Variants in OPCML observed in about 807,000 individuals in gnomAD.
The protein encoded by OPCML is opioid-binding protein/cell adhesion molecule.
A neutral mutation model predicts 37.8 loss-of-function variants in OPCML; 13 were observed. The observed-to-expected ratio is 0.34, with a 90% CI of 0.22 to 0.55. The LOEUF is 0.55. Ranked by LOEUF, OPCML falls within the 20% of genes least tolerant of loss-of-function variation. The probability of loss-of-function intolerance (pLI) is 0.91; values close to 1 mark genes in which losing one functional copy is unlikely to be tolerated. For synonymous variants in OPCML, 176 were observed against 168.8 expected (o/e 1.04, Z -0.33); for missense variants, 341 against 435.6 (o/e 0.78, Z 1.93).
chr11:132,885,840 C>T (rs1023115420), intron 2 of OPCML, among the ~76,000 whole-genome samples: 4 of 152,086 alleles, frequency 2.6e-5, no homozygotes, highest in Admixed American at 2.0e-4. Context: ...TAACATTTCC[C>T]CTCCCTGAGT....
At position 133,401,042 on chromosome 11, in the gene OPCML, C is replaced by T. The variant is rs144426405; in HGVS notation, c.61+131222G>A. ...GTTTAGTTTTCTCCAAGTAATAATC[C>T]GAGTCTACATAGCAGCAATTTCCCC... On this transcript the variant is annotated intron_variant, in intron 1 of 7. Coordinates refer to ENST00000524381, the MANE Select transcript of OPCML (RefSeq NM_001012393.5). 5.1e-4 allele frequency among the ~76,000 whole-genome samples: 77 copies of T among 152,218 alleles called. No individual in the cohort carries two copies. The East Asian group carries it at 0.011, about 22-fold the overall frequency.
chr11:133,292,438 C>T (rs762956668), intron 1 of OPCML, among the ~76,000 whole-genome samples: 52 of 152,050 alleles, frequency 3.4e-4, no homozygotes, highest in African/African-American at 1.0e-3. Flanking sequence ...AGCTATGCGG[C>T]GATCCCTTCA....
chr11:132,797,156 T>C (rs1032325771), intron 2 of OPCML, among the ~76,000 whole-genome samples: 13 of 152,248 alleles, frequency 8.5e-5, no homozygotes, highest in African/African-American at 3.1e-4. Flanking sequence ...GTGTTTTCAA[T>C]GTCATATATA....
chr11:133,200,189 C>A (rs1284994139), intron 1 of OPCML, among the ~76,000 whole-genome samples: 1 of 152,170 alleles, frequency 6.6e-6, no homozygotes, highest in Non-Finnish European at 1.5e-5. Flanking sequence ...TGAGATGTCG[C>A]CCCTGACTGC....
chr11:133,254,551 T>A (rs1284657179), intron 1 of OPCML, among the ~76,000 whole-genome samples: 1 of 152,200 alleles, frequency 6.6e-6, no homozygotes, highest in Non-Finnish European at 1.5e-5. Flanking sequence ...GATTCCATTA[T>A]GATGACTCAG....
At chr11:132,449,321 T>C (rs1346191437) in intron 4 of OPCML, among the ~76,000 whole-genome samples, 1 of 152,200 alleles carries the variant, frequency 6.6e-6, no homozygotes, top group African/African-American at 2.4e-5. Flanking sequence ...TCTATTCATG[T>C]AGATCTTGAC....
intron 4 of OPCML, among the ~76,000 whole-genome samples, chr11:132,490,038 G>A (rs2096211064): frequency 6.6e-6 from 1 of 152,080 alleles, no homozygotes; most frequent in Non-Finnish European, 1.5e-5. Flanking sequence ...TTTTACAGCT[G>A]CATAGTATTC....
At chr11:133,095,023 T>C (rs1306809876) in intron 1 of OPCML, among the ~76,000 whole-genome samples, 1 of 151,994 alleles carries the variant, frequency 6.6e-6, no homozygotes, top group Non-Finnish European at 1.5e-5. Context: ...CATCATATAG[T>C]GCATTATATT....
At chr11:133,365,160 CA>C (rs1217829173) in intron 1 of OPCML, 1 of 152,170 alleles carries the variant, frequency 6.6e-6, no homozygotes, top group Non-Finnish European at 1.5e-5. Context: ...AGCAGAGTTA[CA>C]CAGGCCTGCA....
chr11:133,227,257 C>A (rs1940080303), intron 1 of OPCML, among the ~76,000 whole-genome samples: 1 of 152,122 alleles, frequency 6.6e-6, no homozygotes, highest in East Asian at 1.9e-4. Flanking sequence ...TCCTCACGGG[C>A]TTCTTTGGAG....
intron 3 of OPCML, among the ~76,000 whole-genome samples, chr11:132,643,131 G>T (rs867065779): frequency 2.6e-5 from 4 of 151,440 alleles, no homozygotes; most frequent in Non-Finnish European, 5.9e-5. Context: ...ATACAAAACA[G>T]CCAGGCATGG....
intron 3 of OPCML, among the ~76,000 whole-genome samples, chr11:132,542,844 C>A (rs1403173977): frequency 6.6e-6 from 1 of 152,192 alleles, no homozygotes; most frequent in Non-Finnish European, 1.5e-5. Context: ...ACACCCACGC[C>A]TCTTCCCTTC....
At chr11:132,605,407 A>T (rs1938218418) in intron 3 of OPCML, among the ~76,000 whole-genome samples, 3 of 151,850 alleles carry the variant, frequency 2.0e-5, no homozygotes, top group African/African-American at 7.3e-5. Context: ...AATAAAAAAA[A>T]AAAAAAGTTA....
chr11:133,522,012 G>A (rs1443429411), intron 1 of OPCML, among the ~76,000 whole-genome samples: 1 of 152,168 alleles, frequency 6.6e-6, no homozygotes, highest in Admixed American at 6.5e-5. Flanking sequence ...TGGACCTATT[G>A]TTTTGATTGC....
At chr11:132,779,944 T>C (rs952893603) in intron 2 of OPCML, among the ~76,000 whole-genome samples, 16 of 152,246 alleles carry the variant, frequency 1.1e-4, no homozygotes, top group African/African-American at 3.6e-4. Context: ...CTTCTTTACT[T>C]ATTTTTTTGT....
chr11:133,170,856 C>A (rs987913399), intron 1 of OPCML, among the ~76,000 whole-genome samples: 1 of 152,122 alleles, frequency 6.6e-6, no homozygotes, highest in South Asian at 2.1e-4. Flanking sequence ...ACTTGTCCCC[C>A]CAAAAGCACA....
At chr11:133,259,710 T>C (rs905851335) in intron 1 of OPCML, among the ~76,000 whole-genome samples, 5 of 152,218 alleles carry the variant, frequency 3.3e-5, no homozygotes, top group African/African-American at 1.2e-4. Context: ...AAAAATAGAA[T>C]GTTAATTATG....
chr11:132,698,298 C>T (rs1359858207), intron 2 of OPCML, among the ~76,000 whole-genome samples: 2 of 152,248 alleles, frequency 1.3e-5, no homozygotes, highest in Non-Finnish European at 1.5e-5. Flanking sequence ...GCATCCTCTC[C>T]AACACTGATC....
chr11:133,408,515 T>C (rs111507999), intron 1 of OPCML, among the ~76,000 whole-genome samples: 5,752 of 152,276 alleles, frequency 0.038, 149 homozygotes, highest in Non-Finnish European at 0.057. Flanking sequence ...ATACATTCAT[T>C]CATTTTCCAA....
Sources: gnomAD v4.1 joint callset for allele counts (sites outside exome capture counted in the v4.1 genomes callset) on GRCh38, gnomAD v4.1.1 for gene constraint, MANE v1.5 for transcripts, NCBI Gene and HGNC (gene_info 2026-07-23, HGNC 2026-07-21) for gene names.